The following LY75 variants were observed in gnomAD, a reference collection of about 807,000 sequenced individuals.
LY75 encodes lymphocyte antigen 75, also known as C-type lectin domain family 13 member B.
LY75 carries 185 observed loss-of-function variants against 231.7 expected under a neutral mutation model. That is an observed-to-expected ratio of 0.80 (90% confidence interval 0.71 to 0.90). The LOEUF (loss-of-function observed/expected upper bound fraction) is 0.90. Among genes scored for constraint, LY75 ranks in the 40% least tolerant of loss-of-function variants. The pLI is 0.00. For missense variants in LY75, 1,947 were observed against 2,050.2 expected (o/e 0.95, Z 0.97); for synonymous variants, 668 against 689.0 (o/e 0.97, Z 0.48).
At chr2:159,849,139 C>T (rs1684305197) in intron 23 of LY75, among the ~76,000 whole-genome samples, 1 of 152,186 alleles carries the variant, frequency 6.6e-6, no homozygotes, top group Non-Finnish European at 1.5e-5. Context: ...CATAGTTACT[C>T]ACGATTGAGA....
intron 23 of LY75, among the ~76,000 whole-genome samples, chr2:159,844,722 A>C (rs1199263217): frequency 2.6e-5 from 4 of 152,016 alleles, no homozygotes; most frequent in Admixed American, 6.5e-5. Context: ...GGAAAAAAAA[A>C]CCCATAACAA....
intron 3 of LY75, among the ~76,000 whole-genome samples, chr2:159,893,104 T>C (rs1159084988): frequency 6.6e-6 from 1 of 152,208 alleles, no homozygotes; most frequent in African/African-American, 2.4e-5. Context: ...AAGTTCCACA[T>C]CACCAAACTG....
chr2:159,879,264 C>T lies in LY75; in HGVS notation c.1510G>A (p.Asp504Asn), dbSNP rs77761086. 8.3e-4 allele frequency: 1,345 copies of T among 1,611,952 alleles called. 12 individuals carry two copies. The African/African-American group carries it at 0.016, about 20-fold the overall frequency. ...TACATAGGGATTTTACCTACCTCAT[C>T]TGGAGGACACATCTTATCAGAACTT... is the stretch of plus-strand genomic sequence containing the variant. ...DASSDKMCPP[D>N]EGWKRHGETC... The change falls in exon 9 of 35, where the codon GAT (aspartate) becomes AAT (asparagine). Residue 504 changes from aspartate (D) to asparagine (N), a missense_variant. Asp to Asn is a conservative substitution (Grantham distance 23). Transcript: ENST00000263636.
rs1301721183 is a variant in LY75, at chr2:159,816,937, C to T, written c.4249G>A (p.Glu1417Lys). 2.5e-6 allele frequency: 4 copies of T among 1,614,080 alleles called. No individual in the cohort carries two copies. The highest frequency in any genetic ancestry group is 2.2e-5 in the East Asian group (1 of 44,894). ...CTTTGAGAACACATGTTTAATGCTT[C>T]ATACCATGTTACCTTTTTTTGAATA... Reference protein sequence around the residue: ...SVIQKKVTWYEALNMCSQSGG... With the variant: ...SVIQKKVTWYKALNMCSQSGG... Residue 1417 changes from glutamate (E) to lysine (K), a missense_variant, in exon 30 of 35, where the codon GAA (glutamate) becomes AAA (lysine). Transcript: ENST00000263636.
At chr2:159,875,316 T>C (rs1198984227) in intron 12 of LY75, 128 bp downstream of exon 12, 5 of 1,306,776 alleles carry the variant, frequency 3.8e-6, no homozygotes, top group Non-Finnish European at 4.1e-6. Context: ...TGCCAAGGAC[T>C]CTGTGCTCCA....
chr2:159,850,447 G>A lies in LY75; in HGVS notation c.2904C>T (p.Pro968=), dbSNP rs376813168. 99 of 1,613,306 alleles carry A rather than the reference G, an allele frequency of 6.1e-5. No individual in the cohort carries two copies. The highest frequency in any genetic ancestry group is 1.6e-4 in the Middle Eastern group (1 of 6,080). ...FQNKCFLKIK[P]VSLTFSQASD... is the part of the protein sequence containing the mutation. ...TTGCTTGAGAAAATGTGAGAGACAC[G>A]GGTTTGATCTTTAGAAAACACTGCA... The change falls in exon 22 of 35, where the codon CCC becomes CCT. Residue 968 remains proline, a synonymous_variant. Transcript: ENST00000263636.
At chr2:159,812,738 C>T (rs948532036) in intron 31 of LY75, among the ~76,000 whole-genome samples, 16 of 152,134 alleles carry the variant, frequency 1.1e-4, no homozygotes, top group Non-Finnish European at 1.9e-4. Flanking sequence ...TGTACAGTCC[C>T]GTGGTGCTAA....
chr2:159,895,716 G>A (rs1187394862), intron 2 of LY75, among the ~76,000 whole-genome samples: 1 of 152,120 alleles, frequency 6.6e-6, no homozygotes, highest in African/African-American at 2.4e-5. Context: ...TGACATCAGC[G>A]GGTGCCTTCT....
chr2:159,853,032 A>G (rs913828273), intron 20 of LY75, among the ~76,000 whole-genome samples: 1 of 152,208 alleles, frequency 6.6e-6, no homozygotes, highest in Non-Finnish European at 1.5e-5. Flanking sequence ...GACACTTATC[A>G]GTTAGGAAAG....
intron 6 of LY75, among the ~76,000 whole-genome samples, chr2:159,883,187 C>G (rs1023834162): frequency 1.3e-5 from 2 of 148,778 alleles, no homozygotes; most frequent in Admixed American, 1.3e-4. Context: ...TGCTAGATGA[C>G]GAGTTAGTGG....
chr2:159,869,262 A>G (rs961617124), intron 13 of LY75, among the ~76,000 whole-genome samples: 7 of 151,818 alleles, frequency 4.6e-5, no homozygotes, highest in Non-Finnish European at 7.4e-5. Flanking sequence ...ACAAACCAGC[A>G]TGTTGTGCAC....
intron 25 of LY75, 59 bp from the exon 26 acceptor site, chr2:159,835,704 T>A: frequency 6.3e-7 from 1 of 1,578,984 alleles, no homozygotes. Flanking sequence ...TTTGTATTAT[T>A]TTGACTCCCA....
intron 23 of LY75, among the ~76,000 whole-genome samples, chr2:159,849,525 T>C (rs954900255): frequency 6.6e-6 from 1 of 152,178 alleles, no homozygotes; most frequent in African/African-American, 2.4e-5. Flanking sequence ...TACAACTCAC[T>C]ACATGATGGT....
rs2303545 is a variant in LY75, at chr2:159,805,346, A to G, written c.4991-124T>C. On this transcript the variant is annotated intron_variant, in intron 34 of 34. Transcript: ENST00000263636. The stretch of plus-strand genomic sequence containing the variant: ...GCTGTATACAGACATAATAAATCTG[A>G]TTGTTTCATAGCGCTAACATAGAAT... 246 of 610,052 alleles carry G rather than the reference A, an allele frequency of 4.0e-4. 1 individual carries two copies. The East Asian group carries it at 6.7e-3, about 17-fold the overall frequency. 37.8% of individuals were successfully genotyped at this position (610,052 alleles called of 1,614,324 possible). A position where few individuals can be genotyped will look rare whatever the true frequency, so the allele number is the denominator to read the frequency against.
At chr2:159,807,711 A>G in intron 33 of LY75, 1 of 962,976 alleles carries the variant, frequency 1.0e-6, no homozygotes, top group Non-Finnish European at 1.2e-6. Flanking sequence ...ATTTTTTGAC[A>G]AGTACTTAAC....
chr2:159,881,396 G>C (rs1356220755), intron 7 of LY75, 156 bp from the exon 8 acceptor site: 1 of 519,430 alleles, frequency 1.9e-6, no homozygotes, highest in Non-Finnish European at 2.5e-6. Flanking sequence ...AGGCAGGTTG[G>C]GTAATGAAGG....
chr2:159,894,780 T>A (rs913581181), intron 2 of LY75, among the ~76,000 whole-genome samples: 1 of 152,184 alleles, frequency 6.6e-6, no homozygotes, highest in African/African-American at 2.4e-5. Context: ...GTAGTAGACA[T>A]AGCTTTTACT....
In LY75 at chr2:159,805,161, G is replaced by A. The variant is rs770091214; in HGVS notation, c.5052C>T (p.Gly1684=). Residue 1684 remains glycine (G), a synonymous_variant, in exon 35 of 35, where the codon GGC becomes GGT. Coordinates refer to ENST00000263636, the MANE Select transcript of LY75 (RefSeq NM_002349.4). ...TTTGGAAGAGGAACCAAATCAGTCC[G>A]CCCATGAGAACTAAGATACTTAGTG... ...VATLSILVLM[G]GLIWFLFQRH... 105 of 1,613,880 alleles carry A rather than the reference G, an allele frequency of 6.5e-5. No homozygotes were observed. The South Asian group carries it at 9.8e-4, about 15-fold the overall frequency.
At chr2:159,826,798 C>T (rs550081666) in intron 28 of LY75, among the ~76,000 whole-genome samples, 2 of 152,094 alleles carry the variant, frequency 1.3e-5, no homozygotes, top group Admixed American at 6.5e-5. Context: ...TCAGAAATAA[C>T]ACCACACATC....
Sources: allele counts gnomAD v4.1 joint callset (sites outside exome capture counted in the v4.1 genomes callset), GRCh38; gene constraint gnomAD v4.1.1; transcripts MANE v1.5; gene names NCBI Gene and HGNC (gene_info 2026-07-23, HGNC 2026-07-21).